Variants in FNDC3B observed in about 807,000 individuals in gnomAD.
FNDC3B encodes the protein fibronectin type III domain containing 3B, also known as fibronectin type III domain-containing protein 3B.
Under a neutral mutation model 151.5 loss-of-function variants are expected in FNDC3B, and 12 were observed. That is an observed-to-expected ratio of 0.08 (90% confidence interval 0.05 to 0.13). FNDC3B has a LOEUF of 0.13. Among genes scored for constraint, FNDC3B ranks in the 10% least tolerant of loss-of-function variants. The pLI, the probability that FNDC3B is intolerant of heterozygous loss-of-function variation, is 1.00. For synonymous variants in FNDC3B, 528 were observed against 549.0 expected (o/e 0.96, Z 0.54); for missense variants, 1,214 against 1,505.3 (o/e 0.81, Z 3.20).
Position 172,141,626 on chromosome 3 carries a change from C to G in FNDC3B, c.187+8080C>G, listed in dbSNP as rs140777656. 2.6e-3 allele frequency among the ~76,000 whole-genome samples: 391 copies of G among 152,300 alleles called. 2 individuals carry two copies. The highest frequency in any genetic ancestry group is 8.9e-3 in the African/African-American group (371 of 41,574). ...CAAGGTGGGGCAGATCACCTGAGGT[C>G]AGGAGTTTAAGTCCAGCCTGGCCAA... On this transcript the variant is annotated intron_variant, in intron 3 of 25. Transcript: ENST00000415807.
intron 1 of FNDC3B, among the ~76,000 whole-genome samples, chr3:172,062,185 C>T (rs1199446282): frequency 6.6e-6 from 1 of 152,116 alleles, no homozygotes; most frequent in Non-Finnish European, 1.5e-5. Context: ...CCTTACCCCT[C>T]AGCCCCCTTG....
intron 6 of FNDC3B, among the ~76,000 whole-genome samples, chr3:172,259,813 A>G (rs1388598159): frequency 6.6e-5 from 10 of 152,204 alleles, no homozygotes; most frequent in Admixed American, 1.3e-4. Context: ...GATGTTTACT[A>G]CATGATTCTT....
intron 14 of FNDC3B, 130 bp downstream of exon 14, chr3:172,333,305 AT>A (rs1732774110): frequency 1.5e-6 from 1 of 660,970 alleles, no homozygotes; most frequent in African/African-American, 1.8e-5. Context: ...TGAAAGTAAC[AT>A]TTATAAAGTG....
chr3:172,097,161 A>G (rs1461402013), intron 1 of FNDC3B, among the ~76,000 whole-genome samples: 1 of 152,096 alleles, frequency 6.6e-6, no homozygotes, highest in Non-Finnish European at 1.5e-5. Context: ...TGGCAGTTGG[A>G]AGAGGATTTT....
intron 6 of FNDC3B, among the ~76,000 whole-genome samples, chr3:172,258,880 C>T (rs780757249): frequency 6.6e-6 from 1 of 152,190 alleles, no homozygotes; most frequent in Non-Finnish European, 1.5e-5. Flanking sequence ...CAGATTTCCT[C>T]TTTCTCTTGT....
chr3:172,380,709 T>C (rs1173543828), intron 24 of FNDC3B, among the ~76,000 whole-genome samples: 4 of 152,234 alleles, frequency 2.6e-5, no homozygotes, highest in Non-Finnish European at 4.4e-5. Context: ...AAAAAAGATG[T>C]GATCCACATC....
intron 19 of FNDC3B, 128 bp downstream of exon 19, chr3:172,344,386 C>T (rs748523299): frequency 4.3e-6 from 3 of 697,184 alleles, no homozygotes; most frequent in South Asian, 4.5e-5. Flanking sequence ...ACCATTAATG[C>T]AGTGTCTGTA....
rs372283328 is a variant in FNDC3B, at chr3:172,226,858, T to C, written c.188-13T>C. The stretch of plus-strand genomic sequence containing the variant: ...GTTTCTTCAGCTATTAACATCTGAC[T>C]CGTCTGTTTTAGGACCTGCTGAAGT... On this transcript the variant is annotated splice_polypyrimidine_tract_variant and intron_variant, in intron 3 of 25. Coordinates refer to ENST00000415807, the MANE Select transcript of FNDC3B (RefSeq NM_022763.4). 2.2e-5 allele frequency: 34 copies of C among 1,558,508 alleles called. No individual in the cohort carries two copies. The African/African-American group carries it at 4.1e-4, about 19-fold the overall frequency.
rs1424779231 is a variant in FNDC3B, at chr3:172,341,217, G to A, written c.1957G>A (p.Gly653Ser). 1.1e-5 allele frequency: 17 copies of A among 1,613,514 alleles called. No homozygotes were observed. The highest frequency in any genetic ancestry group is 8.3e-5 in the Admixed American group (5 of 59,994). The change falls in exon 17 of 26, where the codon GGC becomes AGC. Residue 653 changes from glycine to serine, a missense_variant. Physicochemically the swap from Gly to Ser is moderately conservative, Grantham distance 56. Around this residue, in one of 7 missense-constraint regions of FNDC3B, gnomAD observed 380 missense variants for 420.9 expected, o/e 0.90. Coordinates refer to ENST00000415807, the MANE Select transcript of FNDC3B (RefSeq NM_022763.4). Reference protein sequence around the residue: ...YKLRACCISTGGHSQCSESLP... With the variant: ...YKLRACCISTSGHSQCSESLP... Reference sequence around the variant, plus strand: ...ACTCCGAGCATGCTGCATCAGTACCGGCGGACACAGCCAGGTTGGTTTTGT... The same window carrying A: ...ACTCCGAGCATGCTGCATCAGTACCAGCGGACACAGCCAGGTTGGTTTTGT...
At chr3:172,206,684 A>G (rs796992584) in intron 3 of FNDC3B, among the ~76,000 whole-genome samples, 11 of 139,536 alleles carry the variant, frequency 7.9e-5, no homozygotes, top group African/African-American at 2.5e-4. Flanking sequence ...AAAAAAAAAA[A>G]AAAGTATATT....
chr3:172,352,912 T>G lies in FNDC3B; in HGVS notation c.2624T>G (p.Leu875Arg). 1 of 1,614,226 alleles carries G rather than the reference T, an allele frequency of 6.2e-7. No homozygotes were observed. The highest frequency in any genetic ancestry group is 8.5e-7 in the Non-Finnish European group (1 of 1,180,024). Residue 875 changes from leucine (L) to arginine (R), a missense_variant, in exon 22 of 26, where the codon CTT (leucine) becomes CGT (arginine). Physicochemically the swap from Leu to Arg is moderately radical, Grantham distance 102 (BLOSUM62 -2). This residue lies in a region of FNDC3B where 380 missense variants were observed against 420.9 expected (regional missense o/e 0.90). Coordinates refer to ENST00000415807, the MANE Select transcript of FNDC3B (RefSeq NM_022763.4). This position sits in a 1 kb window ranked among gnomAD's most constrained non-coding sequence, Gnocchi z 4.2. Reference sequence around the variant, plus strand: ...CTCTGTGTCCTGGAGGAGGAGCCCCTTGATGCCTACCCTGATTCACCTTCT... The same window carrying G: ...CTCTGTGTCCTGGAGGAGGAGCCCCGTGATGCCTACCCTGATTCACCTTCT... ...STLCVLEEEP[L>R]DAYPDSPSAC...
At chr3:172,112,368 A>G in intron 1 of FNDC3B, 84 bp from the exon 2 acceptor site, 1 of 743,188 alleles carries the variant, frequency 1.3e-6, no homozygotes, top group Middle Eastern at 2.9e-4. Context: ...ACGATGGAGC[A>G]CTTAGATTGT....
chr3:172,298,896 T>C, intron 9 of FNDC3B, 109 bp downstream of exon 9: 1 of 706,714 alleles, frequency 1.4e-6, no homozygotes. Flanking sequence ...TTGCTGAAAG[T>C]TGTAGAACCA....
intron 25 of FNDC3B, among the ~76,000 whole-genome samples, chr3:172,395,245 CTTT>C (rs1301428690): frequency 6.6e-6 from 1 of 151,972 alleles, no homozygotes; most frequent in Non-Finnish European, 1.5e-5. Flanking sequence ...CTATTTTTTT[CTTT>C]GTCTGTCCAT....
At chr3:172,303,472 G>A (rs1396432596) in intron 9 of FNDC3B, among the ~76,000 whole-genome samples, 4 of 152,150 alleles carry the variant, frequency 2.6e-5, no homozygotes, top group South Asian at 2.1e-4. Flanking sequence ...ATGTTACATC[G>A]TGCTAGAAAA....
chr3:172,354,233 A>G (rs1370636847), intron 22 of FNDC3B, among the ~76,000 whole-genome samples: 1 of 151,992 alleles, frequency 6.6e-6, no homozygotes, highest in African/African-American at 2.4e-5. Flanking sequence ...TTATATACAA[A>G]TAGAAAAAAA....
intron 25 of FNDC3B, among the ~76,000 whole-genome samples, chr3:172,385,540 C>A (rs984750969): frequency 2.0e-5 from 3 of 151,556 alleles, no homozygotes; most frequent in Non-Finnish European, 4.4e-5. Context: ...AGGATAATAT[C>A]CTTTTCCCCC....
intron 1 of FNDC3B, among the ~76,000 whole-genome samples, chr3:172,051,093 T>G (rs1003930531): frequency 1.3e-5 from 2 of 151,352 alleles, no homozygotes; most frequent in Non-Finnish European, 2.9e-5. Context: ...CTTTTTTTTT[T>G]TTTTTTGGAG....
intron 16 of FNDC3B, among the ~76,000 whole-genome samples, chr3:172,339,062 C>T (rs1359063761): frequency 6.6e-6 from 1 of 151,822 alleles, no homozygotes; most frequent in Non-Finnish European, 1.5e-5. Flanking sequence ...TTTTAAATGG[C>T]ACATGCTAAT....
Sources: gnomAD v4.1 joint callset for allele counts (sites outside exome capture counted in the v4.1 genomes callset) on GRCh38, gnomAD v4.1.1 for gene constraint, gnomAD v4.1.1 regional missense constraint, Gnocchi (gnomAD v3.1) non-coding constraint, MANE v1.5 for transcripts, NCBI Gene and HGNC (gene_info 2026-07-23, HGNC 2026-07-21) for gene names.